Variants in ADAM12 observed in about 807,000 individuals in gnomAD.
The protein encoded by ADAM12 is disintegrin and metalloproteinase domain-containing protein 12.
A neutral mutation model predicts 106.4 loss-of-function variants in ADAM12; 70 were observed. That is an observed-to-expected ratio of 0.66 (90% CI 0.54 to 0.80). The LOEUF is 0.80. Ranked by LOEUF, ADAM12 falls within the 30% of genes least tolerant of loss-of-function variation. The probability of loss-of-function intolerance (pLI) is 0.00; values close to 1 mark genes in which losing one functional copy is unlikely to be tolerated. For synonymous variants in ADAM12, 420 were observed against 433.5 expected, an observed-to-expected ratio of 0.97 and a Z score of 0.39; for missense variants, 1,010 against 1,171.9, an observed-to-expected ratio of 0.86 and a Z score of 2.02.
chr10:126,071,344 A>C, intron 12 of ADAM12, 133 bp downstream of exon 12: 2 of 1,069,952 alleles, frequency 1.9e-6, no homozygotes, highest in Non-Finnish European at 2.7e-6. Context: ...CTTGTTCAGG[A>C]TGGGCAGATA....
chr10:126,315,045 C>T (rs557058182), intron 2 of ADAM12, among the ~76,000 whole-genome samples: 19 of 152,288 alleles, frequency 1.2e-4, no homozygotes, highest in East Asian at 7.7e-4. Context: ...CAAGTCACTG[C>T]ATTTGAAATG....
At chr10:126,118,388 T>C (rs1050142495) in intron 5 of ADAM12, among the ~76,000 whole-genome samples, 164 bp from the exon 6 acceptor site, 1 of 152,220 alleles carries the variant, frequency 6.6e-6, no homozygotes, top group Non-Finnish European at 1.5e-5. Context: ...TATGTTTGCA[T>C]TGATTCATTT....
At chr10:126,360,857 C>T (rs1855718478) in intron 1 of ADAM12, among the ~76,000 whole-genome samples, 2 of 152,198 alleles carry the variant, frequency 1.3e-5, no homozygotes, top group Non-Finnish European at 2.9e-5. Context: ...TAAAGACATA[C>T]CCAAGACTAG....
chr10:126,257,341 G>A (rs910379840), intron 3 of ADAM12, among the ~76,000 whole-genome samples: 1 of 152,196 alleles, frequency 6.6e-6, no homozygotes, highest in Non-Finnish European at 1.5e-5. Context: ...TCTGTTCTGC[G>A]ATCAAAATGT....
chr10:126,216,498 C>T (rs1470678756), intron 3 of ADAM12, among the ~76,000 whole-genome samples: 1 of 152,222 alleles, frequency 6.6e-6, no homozygotes, highest in African/African-American at 2.4e-5. Context: ...GAGCCTTCTA[C>T]ATAAATCACA....
chr10:126,313,191 G>A (rs1351356234), intron 2 of ADAM12, among the ~76,000 whole-genome samples: 4 of 152,124 alleles, frequency 2.6e-5, no homozygotes, highest in Non-Finnish European at 4.4e-5. Context: ...GCTGGCTGTC[G>A]GCTTTCCATA....
intron 4 of ADAM12, among the ~76,000 whole-genome samples, chr10:126,151,767 A>G (rs2133714298): frequency 6.6e-6 from 1 of 152,064 alleles, no homozygotes; most frequent in Admixed American, 6.5e-5. Flanking sequence ...AGTTATATTT[A>G]AATTTTCCTC....
intron 2 of ADAM12, among the ~76,000 whole-genome samples, chr10:126,298,286 G>A (rs1032880351): frequency 6.6e-6 from 1 of 151,822 alleles, no homozygotes; most frequent in Non-Finnish European, 1.5e-5. Flanking sequence ...CTCAGAAGCG[G>A]AATTTAAAAT....
At chr10:126,278,013 C>T (rs919243176) in intron 3 of ADAM12, among the ~76,000 whole-genome samples, 1 of 152,128 alleles carries the variant, frequency 6.6e-6, no homozygotes, top group Non-Finnish European at 1.5e-5. Flanking sequence ...GACTCCACAT[C>T]CCTGACAGAA....
At chr10:126,121,055 TGC>T (rs1282689002) in intron 5 of ADAM12, among the ~76,000 whole-genome samples, 1 of 115,184 alleles carries the variant, frequency 8.7e-6, no homozygotes, top group East Asian at 2.5e-4. Context: ...ATATATTATA[TGC>T]AATATAATTA....
intron 3 of ADAM12, among the ~76,000 whole-genome samples, chr10:126,172,367 T>C (rs1957134957): frequency 6.6e-6 from 1 of 152,184 alleles, no homozygotes; most frequent in Admixed American, 6.5e-5. Flanking sequence ...ATTACTAATT[T>C]TCTTGGGTGT....
At chr10:126,125,173 G>A (rs1371725355) in intron 5 of ADAM12, among the ~76,000 whole-genome samples, 2 of 151,280 alleles carry the variant, frequency 1.3e-5, no homozygotes, top group Non-Finnish European at 2.9e-5. Context: ...CCTATCAGCA[G>A]TCACTCTTGA....
chr10:126,033,884 A>G (rs1424995349), intron 21 of ADAM12, among the ~76,000 whole-genome samples: 1 of 152,376 alleles, frequency 6.6e-6, no homozygotes, highest in East Asian at 1.9e-4. Context: ...ATCCTCTAGG[A>G]ATAAATACAT....
intron 3 of ADAM12, among the ~76,000 whole-genome samples, chr10:126,158,488 A>G (rs1403328452): frequency 7.2e-6 from 1 of 139,490 alleles, no homozygotes; most frequent in Non-Finnish European, 1.5e-5. Flanking sequence ...GAGAGGATGC[A>G]CAGAGCACGG....
At chr10:126,228,603 G>A (rs3858311) in intron 3 of ADAM12, among the ~76,000 whole-genome samples, 10,069 of 152,168 alleles carry the variant, frequency 0.066, 1,052 homozygotes, top group African/African-American at 0.22. Context: ...TTCTAGTAGG[G>A]TATTTTTACA....
chr10:126,324,388 C>T (rs187151070), intron 2 of ADAM12, among the ~76,000 whole-genome samples: 1 of 152,320 alleles, frequency 6.6e-6, no homozygotes, highest in Admixed American at 6.5e-5. Flanking sequence ...GCTGCCCTGA[C>T]AAGCTTCATG....
chr10:126,216,275 G>C (rs1011934757), intron 3 of ADAM12, among the ~76,000 whole-genome samples: 1 of 152,128 alleles, frequency 6.6e-6, no homozygotes, highest in African/African-American at 2.4e-5. Flanking sequence ...AATGAAATTG[G>C]GAAGATAAAA....
At chr10:126,312,131 G>GA (rs35783742) in intron 2 of ADAM12, among the ~76,000 whole-genome samples, 28,620 of 123,438 alleles carry the variant, frequency 0.23, 3,278 homozygotes, top group Admixed American at 0.27. Context: ...GGTTGGTGTG[G>GA]AAAAAAAAAA....
At chr10:126,241,348 C>G (rs1958519992) in intron 3 of ADAM12, among the ~76,000 whole-genome samples, 1 of 152,192 alleles carries the variant, frequency 6.6e-6, no homozygotes, top group South Asian at 2.1e-4. Flanking sequence ...CCCACTGAAA[C>G]TGTACCCTTT....
Sources: gnomAD v4.1 joint callset for allele counts (sites outside exome capture counted in the v4.1 genomes callset) on GRCh38, gnomAD v4.1.1 for gene constraint, MANE v1.5 for transcripts, NCBI Gene and HGNC (gene_info 2026-07-23, HGNC 2026-07-21) for gene names.